Variants in CDKL3 observed in about 807,000 individuals in gnomAD.
CDKL3 encodes the protein cyclin dependent kinase like 3, also known as cyclin-dependent kinase-like 3.
CDKL3 carries 65 observed loss-of-function variants against 69.3 expected under a neutral mutation model. The observed-to-expected ratio is 0.94, with a 90% CI of 0.77 to 1.15. The LOEUF is 1.15. Among genes scored for constraint, CDKL3 ranks in the 50% most tolerant of loss-of-function variants. The pLI, the probability that CDKL3 is intolerant of heterozygous loss-of-function variation, is 0.00. For synonymous variants in CDKL3, 202 were observed against 221.6 expected, an observed-to-expected ratio of 0.91 and a Z score of 0.79; for missense variants, 652 against 689.2, an observed-to-expected ratio of 0.95 and a Z score of 0.61.
chr5:134,350,411 A>G lies in CDKL3; in HGVS notation c.377T>C (p.Ile126Thr), dbSNP rs1452561978. 2.6e-6 allele frequency: 4 copies of G among 1,557,476 alleles called. No individual in the cohort carries two copies. The highest frequency in any genetic ancestry group is 2.4e-5 in the South Asian group (2 of 84,244). The change falls in exon 4 of 13, where the codon ATA (isoleucine) becomes ACA (threonine). Residue 126 changes from isoleucine (I) to threonine (T), a missense_variant. Coordinates refer to ENST00000265334, the MANE Select transcript of CDKL3 (RefSeq NM_001113575.2). Reference sequence around the variant, plus strand: ...GGATACTAAAATATTCTCAGGTTTTATATCTCGATGAATGATCTAAAAAAC... The same window carrying G: ...GGATACTAAAATATTCTCAGGTTTTGTATCTCGATGAATGATCTAAAAAAC... The part of the protein sequence containing the change: ...LHSNNIIHRD[I>T]KPENILVSQS...
chr5:134,322,035 T>C, intron 4 of CDKL3, 132 bp from the exon 5 acceptor site: 1 of 630,034 alleles, frequency 1.6e-6, no homozygotes, highest in South Asian at 2.0e-5. Flanking sequence ...TTTGTTTTTT[T>C]TCGAGACCGA....
intron 2 of CDKL3, among the ~76,000 whole-genome samples, 177 bp from the exon 3 acceptor site, chr5:134,360,268 A>C (rs921901201): frequency 1.6e-4 from 24 of 152,212 alleles, no homozygotes; most frequent in Admixed American, 5.2e-4. Flanking sequence ...GCAGTAGCAC[A>C]ATCTTGGCTC....
upstream of CDKL3, chr5:134,371,540 G>T: frequency 2.4e-5 from 38 of 1,592,680 alleles, no homozygotes; most frequent in Non-Finnish European, 3.2e-5. Context: ...CCGGGGGGTG[G>T]GGGGGCTGCG....
Position 134,366,403 on chromosome 5 carries a change from G to T in CDKL3, c.121C>A (p.Gln41Lys). 6.3e-7 allele frequency: 1 copy of T among 1,597,428 alleles called. No homozygotes were observed. Among genetic ancestry groups the T allele is most frequent in the Non-Finnish European group, 8.5e-7 (1 of 1,172,334 alleles). The change falls in exon 2 of 13, where the codon CAA becomes AAA. Residue 41 changes from glutamine to lysine, a missense_variant. Transcript: ENST00000265334. ...CTCATCGCAATTTTGTTGACAGATT[G>T]TTCTGGTCTCTCATAAAATATCTTA... The part of the protein sequence containing the change: ...AIKIFYERPE[Q>K]SVNKIAMREI...
chr5:134,286,332 T>C (rs1337921093), downstream of CDKL3: 1 of 154,784 alleles, frequency 6.5e-6, no homozygotes, highest in African/African-American at 2.4e-5. Flanking sequence ...TTATTGTCCA[T>C]ATCATGATCA....
chr5:134,317,414 A>G (rs546856707), intron 6 of CDKL3, among the ~76,000 whole-genome samples: 1 of 152,124 alleles, frequency 6.6e-6, no homozygotes, highest in Non-Finnish European at 1.5e-5. Context: ...TCAGCCTCCC[A>G]AAGTACTGGG....
At chr5:134,364,711 C>G (rs1756966448) in intron 2 of CDKL3, among the ~76,000 whole-genome samples, 1 of 152,034 alleles carries the variant, frequency 6.6e-6, no homozygotes, top group African/African-American at 2.4e-5. Flanking sequence ...GGGGGTTTCA[C>G]TACATTGGCC....
intron 3 of CDKL3, among the ~76,000 whole-genome samples, chr5:134,351,215 T>G (rs1254710821): frequency 6.6e-6 from 1 of 152,164 alleles, no homozygotes; most frequent in Non-Finnish European, 1.5e-5. Flanking sequence ...CAGCTCCTCT[T>G]TCTCTGTCTG....
chr5:134,301,986 T>C (rs1766474426), intron 12 of CDKL3, among the ~76,000 whole-genome samples: 2 of 152,342 alleles, frequency 1.3e-5, no homozygotes, highest in South Asian at 2.1e-4. Flanking sequence ...GCCATCGATA[T>C]GATTTAATTC....
chr5:134,306,484 G>T, intron 10 of CDKL3, 125 bp downstream of exon 10: 1 of 633,432 alleles, frequency 1.6e-6, no homozygotes. Context: ...GCAACAGAGA[G>T]AGATCCTCTC....
At chr5:134,331,985 C>G (rs1158708737) in intron 4 of CDKL3, among the ~76,000 whole-genome samples, 2 of 152,142 alleles carry the variant, frequency 1.3e-5, no homozygotes, top group African/African-American at 4.8e-5. Context: ...TAATGATTGC[C>G]ATTCTAACTG....
intron 3 of CDKL3, among the ~76,000 whole-genome samples, chr5:134,356,052 T>C (rs750536730): frequency 1.3e-5 from 2 of 152,224 alleles, no homozygotes; most frequent in Non-Finnish European, 2.9e-5. Context: ...TGTTACATTA[T>C]ACTATACAAT....
At chr5:134,287,541 T>C (rs1764923279) in intron 8 of CDKL3, among the ~76,000 whole-genome samples, 1 of 152,216 alleles carries the variant, frequency 6.6e-6, no homozygotes, top group African/African-American at 2.4e-5. Flanking sequence ...ATCACATGGA[T>C]GCTACCCAAC....
chr5:134,290,026 C>G (rs1384055299), intron 8 of CDKL3, among the ~76,000 whole-genome samples: 2 of 152,028 alleles, frequency 1.3e-5, no homozygotes, highest in Admixed American at 6.6e-5. Context: ...ATGCATTGTT[C>G]TAAGCATGGA....
At chr5:134,330,142 C>G (rs1275480300) in intron 4 of CDKL3, among the ~76,000 whole-genome samples, 4 of 152,002 alleles carry the variant, frequency 2.6e-5, no homozygotes, top group Admixed American at 2.0e-4. Context: ...TAGTATGTCC[C>G]TAAAGAACTG....
chr5:134,331,837 C>A (rs1308415628), intron 4 of CDKL3, among the ~76,000 whole-genome samples: 1 of 152,162 alleles, frequency 6.6e-6, no homozygotes, highest in Non-Finnish European at 1.5e-5. Flanking sequence ...ATTGCTGGGT[C>A]AAATGGTATT....
At chr5:134,319,570 T>G in intron 5 of CDKL3, 73 bp from the exon 6 acceptor site, 1 of 1,265,732 alleles carries the variant, frequency 7.9e-7, no homozygotes, top group Non-Finnish European at 1.1e-6. Context: ...AATTGCTATG[T>G]CATCTATGTT....
intron 4 of CDKL3, among the ~76,000 whole-genome samples, chr5:134,333,917 T>C (rs891343186): frequency 6.6e-6 from 1 of 152,196 alleles, no homozygotes; most frequent in Non-Finnish European, 1.5e-5. Context: ...CTGGTAGAAT[T>C]TGGCTATGAA....
intron 4 of CDKL3, among the ~76,000 whole-genome samples, chr5:134,339,830 CA>C: frequency 6.6e-6 from 1 of 152,026 alleles, no homozygotes; most frequent in South Asian, 2.1e-4. Context: ...CCAATGGGTA[CA>C]AGGTGAAATC....
Sources: allele counts gnomAD v4.1 joint callset (sites outside exome capture counted in the v4.1 genomes callset), GRCh38; gene constraint gnomAD v4.1.1; transcripts MANE v1.5; gene names NCBI Gene and HGNC (gene_info 2026-07-23, HGNC 2026-07-21).